SYNDIG1L: variants seen among roughly 807,000 people sequenced by gnomAD.
The protein encoded by SYNDIG1L is synapse differentiation inducing 1 like.
Under a neutral mutation model 20.1 loss-of-function variants are expected in SYNDIG1L, and 13 were observed. The observed-to-expected ratio is 0.65, with a 90% confidence interval of 0.42 to 1.03. The LOEUF (loss-of-function observed/expected upper bound fraction) is 1.03, where lower values mean the gene tolerates loss of function less well. Among genes scored for constraint, SYNDIG1L ranks in the 50% least tolerant of loss-of-function variants. The probability of loss-of-function intolerance (pLI) is 0.00; values close to 1 mark genes in which losing one functional copy is unlikely to be tolerated. For missense variants in SYNDIG1L, 294 were observed against 305.1 expected (o/e 0.96, Z 0.27); for synonymous variants, 128 against 129.3 (o/e 0.99, Z 0.07).
upstream of SYNDIG1L, among the ~76,000 whole-genome samples, chr14:74,429,400 T>A (rs2086288145): frequency 6.6e-6 from 1 of 152,234 alleles, no homozygotes; most frequent in South Asian, 2.1e-4. Context: ...GGGACTTCCC[T>A]TCATAAGCTT....
chr14:74,473,976 TG>T, the SYNDIG1L span: 1 of 152,196 alleles, frequency 6.6e-6, no homozygotes, highest in African/African-American at 2.4e-5. Context: ...TCTGGGACCT[TG>T]TTTTCCTTGT....
the SYNDIG1L span, among the ~76,000 whole-genome samples, chr14:74,444,767 C>A: frequency 6.6e-6 from 1 of 151,828 alleles, no homozygotes; most frequent in Admixed American, 6.6e-5. Context: ...AAAAACAAAA[C>A]AAAACAAGAC....
the SYNDIG1L span, chr14:74,479,384 T>C: frequency 6.6e-6 from 1 of 152,242 alleles, no homozygotes; most frequent in Non-Finnish European, 1.5e-5. Context: ...GTCCATGTTA[T>C]TCAACTCAAT....
chr14:74,422,994 T>C (rs1057090753), intron 1 of SYNDIG1L, among the ~76,000 whole-genome samples: 2 of 152,158 alleles, frequency 1.3e-5, no homozygotes, highest in Non-Finnish European at 2.9e-5. Context: ...CCACTGCACC[T>C]GGCCACACAA....
At chr14:74,421,730 G>T (rs757204861) in intron 1 of SYNDIG1L, among the ~76,000 whole-genome samples, 1 of 152,176 alleles carries the variant, frequency 6.6e-6, no homozygotes, top group Non-Finnish European at 1.5e-5. Context: ...GAGAATCGTC[G>T]AAGGACCTTT....
chr14:74,457,595 C>T, the SYNDIG1L span, among the ~76,000 whole-genome samples: 3 of 151,690 alleles, frequency 2.0e-5, no homozygotes, highest in South Asian at 4.2e-4. Context: ...TTCTTCCTCT[C>T]CCTGCTTCCT....
chr14:74,469,434 G>A, the SYNDIG1L span, among the ~76,000 whole-genome samples: 2 of 151,890 alleles, frequency 1.3e-5, no homozygotes, highest in East Asian at 3.9e-4. Context: ...ACAAGTTAAT[G>A]GGTGCAGCAC....
In SYNDIG1L at chr14:74,406,566, AT is replaced by A. The variant is rs1211406686; in HGVS notation, c.*968del. 1.3e-5 allele frequency: 2 copies of A among 152,836 alleles called. No homozygotes were observed. Among genetic ancestry groups the A allele is most frequent in the African/African-American group, 2.4e-5 (1 of 41,468 alleles). The allele number at this position is 152,836 out of a possible 1,614,324, so 9.5% of individuals were successfully genotyped here. ...AGCACCGCTGACTACTCAGCAGGCC[AT>A]TCCTTCCCTGAGTCCCTTCCCTCAT... On this transcript the variant is annotated 3_prime_UTR_variant, in exon 4 of 4. Coordinates refer to ENST00000331628, the MANE Select transcript of SYNDIG1L (RefSeq NM_001105579.2).
At chr14:74,478,067 C>T in the SYNDIG1L span, among the ~76,000 whole-genome samples, 1 of 152,106 alleles carries the variant, frequency 6.6e-6, no homozygotes, top group Non-Finnish European at 1.5e-5. Flanking sequence ...ATAAACTAGC[C>T]GAAATACTTT....
At chr14:74,477,162 T>C in the SYNDIG1L span, among the ~76,000 whole-genome samples, 2 of 144,102 alleles carry the variant, frequency 1.4e-5, no homozygotes, top group Non-Finnish European at 3.1e-5. Context: ...CGCCTGAGTG[T>C]TCCAGGCCTT....
chr14:74,461,065 A>T, the SYNDIG1L span, among the ~76,000 whole-genome samples: 1 of 150,768 alleles, frequency 6.6e-6, no homozygotes, highest in African/African-American at 2.4e-5. Flanking sequence ...CTTTTTCTGC[A>T]CCCATATCTA....
chr14:74,475,290 C>A, the SYNDIG1L span, among the ~76,000 whole-genome samples: 1 of 151,098 alleles, frequency 6.6e-6, no homozygotes, highest in Non-Finnish European at 1.5e-5. Flanking sequence ...ACTTTGCATC[C>A]CCCATCTCAT....
the SYNDIG1L span, among the ~76,000 whole-genome samples, chr14:74,459,425 G>A: frequency 6.6e-6 from 1 of 151,764 alleles, no homozygotes; most frequent in Non-Finnish European, 1.5e-5. Context: ...GATCCCTTGA[G>A]AGTGGGAGGC....
the SYNDIG1L span, among the ~76,000 whole-genome samples, chr14:74,431,754 G>T: frequency 6.6e-6 from 1 of 152,150 alleles, no homozygotes; most frequent in Non-Finnish European, 1.5e-5. Context: ...ACTTCAAAAT[G>T]TACAGAGAAT....
the SYNDIG1L span, among the ~76,000 whole-genome samples, chr14:74,459,850 A>G: frequency 2.6e-5 from 4 of 152,206 alleles, no homozygotes; most frequent in East Asian, 1.9e-4. Flanking sequence ...AGAGGCCCCA[A>G]TAACTCACTG....
chr14:74,474,321 C>G, the SYNDIG1L span: 3 of 152,272 alleles, frequency 2.0e-5, no homozygotes, highest in Admixed American at 6.5e-5. Context: ...GGAGATGGTT[C>G]TCAGTGGCCA....
chr14:74,439,963 C>A, the SYNDIG1L span, among the ~76,000 whole-genome samples: 1 of 152,056 alleles, frequency 6.6e-6, no homozygotes, highest in Admixed American at 6.5e-5. Flanking sequence ...CTGCTTATGG[C>A]CTCTCCAAGC....
At chr14:74,439,753 C>A in the SYNDIG1L span, among the ~76,000 whole-genome samples, 1 of 151,624 alleles carries the variant, frequency 6.6e-6, no homozygotes, top group Non-Finnish European at 1.5e-5. Context: ...GTGGTGCATG[C>A]CTGTAATCTC....
chr14:74,430,235 G>C (rs1034461792), upstream of SYNDIG1L, among the ~76,000 whole-genome samples: 12 of 152,128 alleles, frequency 7.9e-5, no homozygotes, highest in African/African-American at 2.9e-4. Flanking sequence ...TCCGCAGGCT[G>C]CTCGGGGCAT....
Sources: allele counts gnomAD v4.1 joint callset (sites outside exome capture counted in the v4.1 genomes callset), GRCh38; gene constraint gnomAD v4.1.1; transcripts MANE v1.5; gene names NCBI Gene and HGNC (gene_info 2026-07-23, HGNC 2026-07-21).